Variants in BRI3 observed in about 807,000 individuals in gnomAD.
BRI3 encodes the protein brain protein I3.
A neutral mutation model predicts 12.8 loss-of-function variants in BRI3; 6 were observed. The observed-to-expected ratio is 0.47, with a 90% CI of 0.26 to 0.93. BRI3 has a LOEUF of 0.93. Among genes scored for constraint, BRI3 ranks in the 40% least tolerant of loss-of-function variants. BRI3 has a pLI of 0.15. For missense variants in BRI3, 134 were observed against 171.1 expected (o/e 0.78, Z 1.21); for synonymous variants, 91 against 76.1 (o/e 1.20, Z -1.02).
At chr7:98,292,575 A>T (rs1800013182), downstream of BRI3, 1 of 1,486,370 alleles carries the variant, frequency 6.7e-7, no homozygotes, top group Non-Finnish European at 9.2e-7. Flanking sequence ...CCTCACATCC[A>T]TACCATAGGG....
At chr7:98,317,854 T>C in the BRI3 span, among the ~76,000 whole-genome samples, 4 of 150,138 alleles carry the variant, frequency 2.7e-5, no homozygotes, top group Non-Finnish European at 4.4e-5. Flanking sequence ...ACCATCTGCA[T>C]GATGGCTGGG....
upstream of BRI3, chr7:98,304,289 C>T (rs1045916): frequency 0.71 from 1,143,893 of 1,612,766 alleles, 414,730 homozygotes; most frequent in Non-Finnish European, 0.75. Context: ...CCCCCATGGA[C>T]AAGCATTCCA....
chr7:98,292,763 CTGAG>C (rs1218184231), downstream of BRI3: 100 of 1,550,084 alleles, frequency 6.5e-5, no homozygotes, highest in East Asian at 2.3e-3. Flanking sequence ...GGCCAACTAG[CTGAG>C]TGAGAACACA....
At chr7:98,294,497 G>A (rs918445409), downstream of BRI3, among the ~76,000 whole-genome samples, 4 of 152,334 alleles carry the variant, frequency 2.6e-5, no homozygotes, top group South Asian at 2.1e-4. Flanking sequence ...CGGGTCACCC[G>A]TGATGTCGGG....
chr7:98,283,880 A>T (rs1016702479), intron 2 of BRI3, among the ~76,000 whole-genome samples: 1 of 152,158 alleles, frequency 6.6e-6, no homozygotes, highest in African/African-American at 2.4e-5. Context: ...GCAGCGAGGG[A>T]TGGGCCAGAT....
chr7:98,304,487 AACCTGATCTTGATCTC>A, upstream of BRI3: 2 of 1,035,878 alleles, frequency 1.9e-6, no homozygotes, highest in Non-Finnish European at 2.9e-6. Context: ...CACCAATCAA[AACCTGATCTTGATCTC>A]ACACACACAG....
At chr7:98,317,733 T>C in the BRI3 span, among the ~76,000 whole-genome samples, 2 of 148,978 alleles carry the variant, frequency 1.3e-5, no homozygotes, top group East Asian at 4.1e-4. Context: ...ACCATCTGCA[T>C]GTTGGCTGGG....
At chr7:98,313,106 C>T (rs1022759914), downstream of BRI3, among the ~76,000 whole-genome samples, 1 of 151,048 alleles carries the variant, frequency 6.6e-6, no homozygotes, top group Non-Finnish European at 1.5e-5. Flanking sequence ...CCCCTCACAC[C>T]ACCCCTGTCC....
chr7:98,299,935 G>C (rs990177025), intron 1 of BRI3, among the ~76,000 whole-genome samples: 2 of 152,184 alleles, frequency 1.3e-5, no homozygotes, highest in African/African-American at 4.8e-5. Flanking sequence ...CAGCTACTTA[G>C]GAGGCTGAGG....
upstream of BRI3, among the ~76,000 whole-genome samples, chr7:98,302,059 G>T (rs1353224503): frequency 1.3e-5 from 2 of 152,184 alleles, no homozygotes; most frequent in Non-Finnish European, 2.9e-5. Flanking sequence ...GACACTGACA[G>T]AATGTCATGA....
intron 1 of BRI3, 43 bp from the exon 2 acceptor site, chr7:98,282,308 T>G: frequency 6.5e-7 from 1 of 1,526,960 alleles, no homozygotes; most frequent in Non-Finnish European, 9.1e-7. Context: ...GGCGGTCCGA[T>G]TTCTCCTCCC....
exon 1 of BRI3, chr7:98,306,565 C>A (rs746122454): frequency 1.2e-6 from 2 of 1,613,342 alleles, no homozygotes; most frequent in Admixed American, 3.3e-5. Flanking sequence ...GACATGTGGA[C>A]GGCAACCTCC....
chr7:98,288,245 C>A (rs1286631215), intron 2 of BRI3, among the ~76,000 whole-genome samples: 1 of 152,198 alleles, frequency 6.6e-6, no homozygotes, highest in Non-Finnish European at 1.5e-5. Flanking sequence ...CCCCCGGAAC[C>A]TGTCATGGCC....
chr7:98,308,501 T>G (rs1434794814), exon 2 of BRI3: 2 of 362,878 alleles, frequency 5.5e-6, no homozygotes, highest in Non-Finnish European at 1.1e-5. Context: ...GTGCTGCTAT[T>G]TATTATCCAC....
downstream of BRI3, among the ~76,000 whole-genome samples, chr7:98,311,689 C>T (rs944581885): frequency 1.3e-5 from 2 of 151,918 alleles, no homozygotes; most frequent in African/African-American, 4.8e-5. Context: ...AGACAGATCA[C>T]GAGGTCAGGA....
At chr7:98,282,312 T>C (rs1247754490) in intron 1 of BRI3, 39 bp from the exon 2 acceptor site, 1 of 1,538,554 alleles carries the variant, frequency 6.5e-7, no homozygotes, top group Middle Eastern at 1.7e-4. Flanking sequence ...GTCCGATTTC[T>C]CCTCCCTGCA....
chr7:98,305,314 TAA>T (rs1800613056), upstream of BRI3, among the ~76,000 whole-genome samples: 1 of 109,706 alleles, frequency 9.1e-6, no homozygotes, highest in South Asian at 2.7e-4. Context: ...AGCAATGAGC[TAA>T]GAGTTAAAAA....
At chr7:98,284,420 G>A (rs1279372034) in intron 2 of BRI3, among the ~76,000 whole-genome samples, 1 of 152,238 alleles carries the variant, frequency 6.6e-6, no homozygotes, top group African/African-American at 2.4e-5. Flanking sequence ...GGGCGAGCAG[G>A]GGGCTGGGTG....
chr7:98,296,320 A>G (rs1292319995), downstream of BRI3, among the ~76,000 whole-genome samples: 1 of 152,196 alleles, frequency 6.6e-6, no homozygotes, highest in East Asian at 1.9e-4. Flanking sequence ...CTGTAATACA[A>G]TGTTTACTTT....
Sources: allele counts gnomAD v4.1 joint callset (sites outside exome capture counted in the v4.1 genomes callset), GRCh38; gene constraint gnomAD v4.1.1; transcripts MANE v1.5; gene names NCBI Gene and HGNC (gene_info 2026-07-23, HGNC 2026-07-21).